The following GLIS3 variants were observed in gnomAD, a reference collection of about 807,000 sequenced individuals.
GLIS3 encodes zinc finger protein GLIS3.
A neutral mutation model predicts 78.6 loss-of-function variants in GLIS3; 53 were observed. That is an observed-to-expected ratio of 0.67 (90% CI 0.54 to 0.85). GLIS3 has a LOEUF of 0.85. Among genes scored for constraint, GLIS3 ranks in the 40% least tolerant of loss-of-function variants. The pLI is 0.00. For synonymous variants in GLIS3, 684 were observed against 509.9 expected (o/e 1.34, Z -4.60); for missense variants, 1,703 against 1,231.1 (o/e 1.38, Z -5.74).
chr9:4,283,325 G>C (rs4615630), intron 2 of GLIS3, among the ~76,000 whole-genome samples: 13,248 of 150,856 alleles, frequency 0.088, 638 homozygotes, highest in African/African-American at 0.14. Context: ...GAGTGCAATG[G>C]CGCAATCTCT....
chr9:4,014,659 T>G (rs1822292499), intron 4 of GLIS3, among the ~76,000 whole-genome samples: 1 of 152,238 alleles, frequency 6.6e-6, no homozygotes, highest in South Asian at 2.1e-4. Context: ...TGAACTTGAT[T>G]GAAAACTTCT....
chr9:4,185,912 C>A (rs184711650), intron 2 of GLIS3, among the ~76,000 whole-genome samples: 2 of 152,140 alleles, frequency 1.3e-5, no homozygotes, highest in South Asian at 4.2e-4. Flanking sequence ...GGGAAGAGAG[C>A]GAGGTGGAAA....
At chr9:3,923,651 A>G (rs923747108) in intron 6 of GLIS3, among the ~76,000 whole-genome samples, 12 of 152,220 alleles carry the variant, frequency 7.9e-5, no homozygotes, top group African/African-American at 2.9e-4. Flanking sequence ...GGAATACCCA[A>G]AAAGACTATC....
At chr9:3,852,332 G>A (rs1228960879) in intron 9 of GLIS3, among the ~76,000 whole-genome samples, 1 of 152,058 alleles carries the variant, frequency 6.6e-6, no homozygotes, top group East Asian at 1.9e-4. Context: ...AGAAGAAATG[G>A]GGGTGACTAC....
chr9:4,007,702 G>T (rs1821666010), intron 4 of GLIS3, among the ~76,000 whole-genome samples: 1 of 151,974 alleles, frequency 6.6e-6, no homozygotes, highest in Non-Finnish European at 1.5e-5. Context: ...ACACACATAA[G>T]AAATACATAA....
chr9:4,356,934 T>C, the GLIS3 span, among the ~76,000 whole-genome samples: 1 of 152,200 alleles, frequency 6.6e-6, no homozygotes, highest in Non-Finnish European at 1.5e-5. Context: ...CAAAATATTT[T>C]AATAAGTGTT....
chr9:4,220,565 G>A (rs1821240306), intron 2 of GLIS3, among the ~76,000 whole-genome samples: 1 of 152,024 alleles, frequency 6.6e-6, no homozygotes, highest in African/African-American at 2.4e-5. Context: ...TCACCATGAG[G>A]CAACATCAAC....
the GLIS3 span, among the ~76,000 whole-genome samples, chr9:4,379,953 G>A: frequency 7.6e-6 from 1 of 132,144 alleles, no homozygotes; most frequent in African/African-American, 2.8e-5. Flanking sequence ...CTTAGAGGCA[G>A]ACAGAGTGAA....
At chr9:4,460,806 A>G in the GLIS3 span, among the ~76,000 whole-genome samples, 2 of 152,198 alleles carry the variant, frequency 1.3e-5, no homozygotes, top group African/African-American at 4.8e-5. Flanking sequence ...TAGTTCTGAC[A>G]AAGTATTTCA....
chr9:4,457,342 C>G, the GLIS3 span, among the ~76,000 whole-genome samples: 1 of 148,670 alleles, frequency 6.7e-6, no homozygotes, highest in African/African-American at 2.5e-5. Flanking sequence ...GCCTGGGCGA[C>G]AGAGTGAGAC....
intron 9 of GLIS3, among the ~76,000 whole-genome samples, chr9:3,837,087 G>C (rs540865482): frequency 6.6e-6 from 1 of 152,282 alleles, no homozygotes; most frequent in South Asian, 2.1e-4. Context: ...ATCCACTTCA[G>C]GGTCACCAAG....
chr9:4,099,303 C>T (rs887557423), intron 4 of GLIS3, among the ~76,000 whole-genome samples: 5 of 152,148 alleles, frequency 3.3e-5, no homozygotes, highest in Non-Finnish European at 7.4e-5. Flanking sequence ...GGTCTGAGGG[C>T]TCTGAAGGAG....
intron 2 of GLIS3, among the ~76,000 whole-genome samples, chr9:4,215,601 C>T (rs1484010714): frequency 4.6e-5 from 7 of 152,300 alleles, no homozygotes; most frequent in South Asian, 4.1e-4. Context: ...ATAATGCTAT[C>T]GCCTGGGTCT....
At chr9:4,123,875 A>G in intron 3 of GLIS3, 1 of 398,002 alleles carries the variant, frequency 2.5e-6, no homozygotes, top group Non-Finnish European at 4.4e-6. Context: ...ATCTTCAGGA[A>G]AAACAATACA....
intron 2 of GLIS3, among the ~76,000 whole-genome samples, chr9:4,163,264 ACACACG>A (rs1463865594): frequency 9.1e-6 from 1 of 110,234 alleles, no homozygotes; most frequent in African/African-American, 2.9e-5. Flanking sequence ...ACACACACAC[ACACACG>A]CGCACGCGCG....
At chr9:4,116,278 T>C (rs112479585) in intron 4 of GLIS3, among the ~76,000 whole-genome samples, 183 of 152,358 alleles carry the variant, frequency 1.2e-3, no homozygotes, top group African/African-American at 4.1e-3. Flanking sequence ...CTGCCTGCAA[T>C]AGGCCGGTGT....
At chr9:4,111,206 T>C (rs901189229) in intron 4 of GLIS3, among the ~76,000 whole-genome samples, 2 of 152,190 alleles carry the variant, frequency 1.3e-5, no homozygotes, top group African/African-American at 4.8e-5. Flanking sequence ...GGCATGAAAT[T>C]AGAGAAAAAA....
chr9:4,459,232 T>C, the GLIS3 span, among the ~76,000 whole-genome samples: 7 of 152,092 alleles, frequency 4.6e-5, no homozygotes, highest in African/African-American at 1.4e-4. Flanking sequence ...ACTGAATATA[T>C]GTGAAGGTTG....
At chr9:4,268,162 C>A (rs967639110) in intron 2 of GLIS3, among the ~76,000 whole-genome samples, 1 of 152,126 alleles carries the variant, frequency 6.6e-6, no homozygotes, top group Admixed American at 6.5e-5. Context: ...CACTTACAGG[C>A]TGTATGACCT....
Sources: allele counts gnomAD v4.1 joint callset (sites outside exome capture counted in the v4.1 genomes callset), GRCh38; gene constraint gnomAD v4.1.1; transcripts MANE v1.5; gene names NCBI Gene and HGNC (gene_info 2026-07-23, HGNC 2026-07-21).